The following TRRAP variants were observed in gnomAD, a reference collection of about 807,000 sequenced individuals.
TRRAP encodes the protein transformation/transcription domain associated protein, also known as transformation/transcription domain-associated protein.
A neutral mutation model predicts 438.8 loss-of-function variants in TRRAP; 41 were observed. The ratio of observed to expected loss-of-function variants is 0.09; its 90% CI spans 0.07 to 0.12. TRRAP has a LOEUF of 0.12. TRRAP is among the 10% of genes least tolerant of loss of function. The pLI, the probability that TRRAP is intolerant of heterozygous loss-of-function variation, is 1.00. For synonymous variants in TRRAP, 1,994 were observed against 1,962.9 expected, an observed-to-expected ratio of 1.02 and a Z score of -0.42; for missense variants, 3,122 against 5,055.1, an observed-to-expected ratio of 0.62 and a Z score of 11.60.
Position 98,950,985 on chromosome 7 carries a change from C to G in TRRAP, c.5444C>G (p.Thr1815Ser), listed in dbSNP as rs1554418124. The G allele has an allele frequency of 1.2e-6, 2 of 1,604,594 alleles. No homozygotes were observed. Among genetic ancestry groups the G allele is most frequent in the South Asian group, 2.2e-5 (2 of 89,184 alleles). Residue 1815 changes from threonine to serine, a missense_variant, in exon 39 of 73, where the codon ACC becomes AGC. Physicochemically the swap from Thr to Ser is moderately conservative, Grantham distance 58. Transcript: ENST00000456197. Reference protein sequence around the residue: ...NPEGDNPESITSVFITKVLDP... With the variant: ...NPEGDNPESISSVFITKVLDP... ...GAAGGAGATAACCCAGAAAGCATCA[C>G]CAGTGTGTTTATTACCAAGGTGGTA...
In TRRAP at chr7:98,965,793, G is replaced by C. The variant is rs1174873575; in HGVS notation, c.7074G>C (p.Leu2358=). Residue 2358 remains leucine, a synonymous_variant, in exon 49 of 73, where the codon CTG becomes CTC. Transcript: ENST00000456197. ...GGAAGAACTTCATCCAGGCCATCCT[G>C]ACATCCCTCATCGAAAAATCACCAG... ...EMRKNFIQAI[L]TSLIEKSPDA... is the part of the protein sequence containing the mutation. The C allele has an allele frequency of 1.9e-6, 3 of 1,614,128 alleles. No individual in the cohort carries two copies. The South Asian group carries it at 3.3e-5, about 18-fold the overall frequency.
intron 59 of TRRAP, among the ~76,000 whole-genome samples, chr7:98,982,874 G>A (rs1398558269): frequency 6.6e-6 from 1 of 152,198 alleles, no homozygotes. Flanking sequence ...CCTGCAGCAG[G>A]GATGCCAGGC....
chr7:98,903,613 C>T, intron 12 of TRRAP, 96 bp downstream of exon 12: 1 of 1,533,984 alleles, frequency 6.5e-7, no homozygotes, highest in Non-Finnish European at 8.8e-7. Context: ...GTGAGGTTTC[C>T]ATGTATCCTT....
chr7:98,895,718 C>T (rs1277335611), intron 6 of TRRAP, 46 bp from the exon 7 acceptor site: 10 of 1,494,902 alleles, frequency 6.7e-6, no homozygotes, highest in Non-Finnish European at 9.1e-6. Context: ...TGGGTATTTT[C>T]TGTTTATGAA....
At position 98,933,243 on chromosome 7, in the gene TRRAP, C is replaced by T. The variant is rs1554413379; in HGVS notation, c.3855C>T (p.Val1285=). ...VTVIMEPHKE[V]LQDMVPPKKH... The stretch of plus-strand genomic sequence containing the variant: ...TGCCTCCTCCTTGGCTTCCCCAGGT[C>T]CTGCAGGATATGGTCCCCCCTAAGA... Residue 1285 remains valine, a splice_region_variant and synonymous_variant, in exon 27 of 73, where the codon GTC becomes GTT. Transcript: ENST00000456197. 1.9e-6 allele frequency: 3 copies of T among 1,611,472 alleles called. No homozygotes were observed. Among genetic ancestry groups the T allele is most frequent in the African/African-American group, 2.7e-5 (2 of 74,852 alleles).
Position 98,899,338 on chromosome 7 carries a change from G to T in TRRAP, c.634-84G>T, listed in dbSNP as rs1163137496. 5 of 1,096,970 alleles carry T rather than the reference G, an allele frequency of 4.6e-6. No homozygotes were observed. The East Asian group carries it at 9.5e-5, about 21-fold the overall frequency. 68.0% of individuals were successfully genotyped at this position (1,096,970 alleles called of 1,614,324 possible). A position where few individuals can be genotyped will look rare whatever the true frequency, so the allele number is the denominator to read the frequency against. Reference sequence around the variant, plus strand: ...ACTGTTTTCCGTTCTCTCTCTTTCAGTGGGTGATGCTCAGTGGGCACTGGT... The same window carrying T: ...ACTGTTTTCCGTTCTCTCTCTTTCATTGGGTGATGCTCAGTGGGCACTGGT... On this transcript the variant is annotated intron_variant, in intron 8 of 72. Transcript: ENST00000456197.
rs536442705 is a variant in TRRAP, at chr7:98,971,307, G to A, written c.7693-492G>A. On this transcript the variant is annotated intron_variant, in intron 52 of 72. Transcript: ENST00000456197. ...AATTGTCGATACCTGACTTCAAGGA[G>A]TAGTTTGATTGTTGACTGACTTCTC... Among the ~76,000 whole-genome samples, 21 of 152,322 alleles carry A rather than the reference G, an allele frequency of 1.4e-4. No individual in the cohort carries two copies. The East Asian group carries it at 2.1e-3, about 15-fold the overall frequency.
At chr7:98,950,307 T>C (rs1187410717) in intron 38 of TRRAP, 45 bp downstream of exon 38, 32 of 1,598,634 alleles carry the variant, frequency 2.0e-5, no homozygotes, top group Non-Finnish European at 2.7e-5. Context: ...GTATTTGGTC[T>C]GGTTTTCTAG....
At position 98,950,130 on chromosome 7, in the gene TRRAP, C is replaced by T. The variant is rs1791266951; in HGVS notation, c.5202C>T (p.Cys1734=). The T allele has an allele frequency of 6.2e-7, 1 of 1,614,102 alleles. No homozygotes were observed. Among genetic ancestry groups the T allele is most frequent in the African/African-American group, 1.3e-5 (1 of 74,938 alleles). ...LLRAFTGRFL[C]NMTFLKEYME... ...GAGCCTTTACTGGTCGTTTTCTCTG[C>T]AACATGACATTCTTAAAAGAGTATA... The change falls in exon 38 of 73, where the codon TGC becomes TGT. Residue 1734 remains cysteine, a synonymous_variant. Transcript: ENST00000456197.
chr7:98,969,045 A>G (rs956648860), intron 51 of TRRAP, among the ~76,000 whole-genome samples: 2 of 152,114 alleles, frequency 1.3e-5, no homozygotes, highest in Admixed American at 6.5e-5. Context: ...CTGCTCCCTC[A>G]CTGCGGGTGA....
chr7:98,904,702 C>G (rs1241152783), intron 12 of TRRAP, among the ~76,000 whole-genome samples: 1 of 152,016 alleles, frequency 6.6e-6, no homozygotes, highest in Non-Finnish European at 1.5e-5. Flanking sequence ...TTTTTTAAAA[C>G]TCCGTTTACT....
chr7:98,899,832 G>T, intron 10 of TRRAP, 65 bp downstream of exon 10: 1 of 1,554,324 alleles, frequency 6.4e-7, no homozygotes, highest in Non-Finnish European at 8.9e-7. Context: ...ACTTGCTGTT[G>T]TCATTCTTAA....
chr7:98,995,655 C>G (rs1793617638), intron 67 of TRRAP, among the ~76,000 whole-genome samples: 1 of 150,918 alleles, frequency 6.6e-6, no homozygotes, highest in Admixed American at 6.6e-5. Context: ...TATCCCCCCC[C>G]CACCATCTAC....
In TRRAP at chr7:98,949,709, A is replaced by C; in HGVS notation, c.5003A>C (p.His1668Pro). 1 of 1,613,946 alleles carries C rather than the reference A, an allele frequency of 6.2e-7. No homozygotes were observed. Among genetic ancestry groups the C allele is most frequent in the African/African-American group, 1.3e-5 (1 of 75,000 alleles). Residue 1668 changes from histidine (H) to proline (P), a missense_variant, in exon 37 of 73, where the codon CAC becomes CCC. His to Pro is a moderately conservative substitution (Grantham distance 77). Transcript: ENST00000456197. ...GATGACTCCTGGCTGGCCAGCCAGC[A>C]CTCTCTGGTGAGCCAGTTGCGACGT... Reference protein sequence around the residue: ...KNDDSWLASQHSLVSQLRRVW... With the variant: ...KNDDSWLASQPSLVSQLRRVW...
intron 47 of TRRAP, among the ~76,000 whole-genome samples, chr7:98,963,719 A>G (rs777958683): frequency 1.3e-5 from 2 of 152,190 alleles, no homozygotes; most frequent in Non-Finnish European, 2.9e-5. Flanking sequence ...TCTTTTAACA[A>G]AGCTAGCCTG....
intron 28 of TRRAP, 122 bp from the exon 29 acceptor site, chr7:98,937,034 C>G (rs113374056): frequency 7.9e-7 from 1 of 1,263,802 alleles, no homozygotes; most frequent in African/African-American, 1.6e-5. Context: ...TAGAGATGAA[C>G]CTGGGCAACA....
intron 22 of TRRAP, among the ~76,000 whole-genome samples, chr7:98,926,924 C>T (rs1790074566): frequency 6.6e-6 from 1 of 152,028 alleles, no homozygotes; most frequent in African/African-American, 2.4e-5. Flanking sequence ...GAGGCTGAGG[C>T]AGGAGAATCG....
rs1792211543 is a variant in TRRAP, at chr7:98,967,564, C to T, written c.7378C>T (p.Leu2460Phe). The T allele has an allele frequency of 1.9e-6, 3 of 1,614,132 alleles. No individual in the cohort carries two copies. The highest frequency in any genetic ancestry group is 1.7e-6 in the Non-Finnish European group (2 of 1,180,032). ...FLSGLRCAQP[L>F]IRAKFFEVFD... ...CTCTGGGCTGCGCTGTGCCCAGCCA[C>T]TCATCAGGGCAAAGTTTTTCGAGGT... The change falls in exon 51 of 73, where the codon CTC becomes TTC. Residue 2460 changes from leucine to phenylalanine, a missense_variant. Physicochemically the swap from Leu to Phe is conservative, Grantham distance 22 (BLOSUM62 0). Around this residue, in one of 24 missense-constraint regions of TRRAP, gnomAD observed 992 missense variants for 1,281.2 expected, o/e 0.77. Coordinates refer to ENST00000456197, the MANE Select transcript of TRRAP (RefSeq NM_001375524.1).
chr7:98,975,469 G>A (rs1792613194), intron 53 of TRRAP, among the ~76,000 whole-genome samples: 1 of 152,218 alleles, frequency 6.6e-6, no homozygotes, highest in South Asian at 2.1e-4. Context: ...CTGTTAATAA[G>A]GAATGTTGGC....
Sources: allele counts gnomAD v4.1 joint callset (sites outside exome capture counted in the v4.1 genomes callset), GRCh38; gene constraint gnomAD v4.1.1; regional missense constraint gnomAD v4.1.1; transcripts MANE v1.5; gene names NCBI Gene and HGNC (gene_info 2026-07-23, HGNC 2026-07-21).